Variants in RILPL2 observed in about 807,000 individuals in gnomAD.
RILPL2 encodes the protein RILP-like protein 2.
A neutral mutation model predicts 22.2 loss-of-function variants in RILPL2; 19 were observed. That is an observed-to-expected ratio of 0.86 (90% CI 0.60 to 1.25). The LOEUF is 1.25. Among genes scored for constraint, RILPL2 ranks in the 50% most tolerant of loss-of-function variants. RILPL2 has a pLI of 0.00. For missense variants in RILPL2, 243 were observed against 263.6 expected (o/e 0.92, Z 0.54); for synonymous variants, 123 against 111.6 (o/e 1.10, Z -0.64).
intron 1 of RILPL2, among the ~76,000 whole-genome samples, chr12:123,434,226 C>T (rs1327872484): frequency 4.6e-5 from 7 of 151,842 alleles, no homozygotes; most frequent in Non-Finnish European, 8.8e-5. Context: ...CGAGACCAGC[C>T]TGGGCAACAT....
chr12:123,419,262 A>G (rs1489549506), intron 3 of RILPL2, among the ~76,000 whole-genome samples: 3 of 151,666 alleles, frequency 2.0e-5, no homozygotes, highest in Admixed American at 6.6e-5. Flanking sequence ...TGACCTTGTG[A>G]TCTGCCCGCC....
At chr12:123,421,007 ATAGCAAAT>A (rs1410339872) in intron 3 of RILPL2, among the ~76,000 whole-genome samples, 1 of 151,626 alleles carries the variant, frequency 6.6e-6, no homozygotes, top group East Asian at 1.9e-4. Context: ...TGTCTGGCAC[ATAGCAAAT>A]GCTCACTAAG....
intron 3 of RILPL2, among the ~76,000 whole-genome samples, chr12:123,417,422 A>G (rs1338918842): frequency 6.6e-6 from 1 of 152,062 alleles, no homozygotes. Context: ...GTTACTCTCC[A>G]GCTTAAAACC....
intron 2 of RILPL2, among the ~76,000 whole-genome samples, chr12:123,427,059 A>G (rs1158014717): frequency 6.6e-6 from 1 of 151,886 alleles, no homozygotes; most frequent in African/African-American, 2.4e-5. Context: ...CAGCCTCCCA[A>G]GTAGCTGAGA....
At chr12:123,435,163 G>C (rs1879758734) in intron 1 of RILPL2, among the ~76,000 whole-genome samples, 3 of 150,456 alleles carry the variant, frequency 2.0e-5, no homozygotes, top group Admixed American at 2.0e-4. Context: ...CTGAGCAACA[G>C]AGCAAGATTC....
In RILPL2 at chr12:123,436,504, C is replaced by G; in HGVS notation, c.-84G>C. 1 of 1,488,820 alleles carries G rather than the reference C, an allele frequency of 6.7e-7. No individual in the cohort carries two copies. Among genetic ancestry groups the G allele is most frequent in the Non-Finnish European group, 8.9e-7 (1 of 1,121,104 alleles). 92.2% of individuals were successfully genotyped at this position (1,488,820 alleles called of 1,614,324 possible). A position where few individuals can be genotyped will look rare whatever the true frequency, so the allele number is the denominator to read the frequency against. ...ACTTCCTCCCGGCACCCAAAACTTT[C>G]CGCTGGGCAGAGTCCCTACCTGCCC... On this transcript the variant is annotated 5_prime_UTR_variant, in exon 1 of 4. Coordinates refer to ENST00000280571, the MANE Select transcript of RILPL2 (RefSeq NM_145058.3). This position sits in a 1 kb window ranked among gnomAD's most constrained non-coding sequence, Gnocchi z 6.7.
At chr12:123,429,628 A>G (rs1879556130) in intron 2 of RILPL2, among the ~76,000 whole-genome samples, 1 of 144,834 alleles carries the variant, frequency 6.9e-6, no homozygotes, top group Non-Finnish European at 1.5e-5. Context: ...TTTTTTTGAG[A>G]CACAGTCTTG....
chr12:123,430,078 T>C (rs1223105181), intron 2 of RILPL2, among the ~76,000 whole-genome samples: 2 of 108,880 alleles, frequency 1.8e-5, no homozygotes, highest in African/African-American at 7.2e-5. Context: ...ATCGCACCAC[T>C]GGGCGACAGG....
intron 2 of RILPL2, among the ~76,000 whole-genome samples, chr12:123,425,183 A>AT (rs919491306): frequency 8.8e-5 from 13 of 147,832 alleles, no homozygotes; most frequent in African/African-American, 1.5e-4. Context: ...CCTTATTATT[A>AT]TTTTTTTTTT....
chr12:123,436,410 G>T lies in RILPL2; in HGVS notation c.11C>A (p.Pro4His). MEE[P>H]PVREEEEEEG... ...CTCCTCTTCCTCTTCTCGCACAGGG[G>T]GCTCCTCCATGGCCACCCAGACCCC... is the stretch of plus-strand genomic sequence containing the variant. Residue 4 changes from proline to histidine, a missense_variant, in exon 1 of 4, where the codon CCC (proline) becomes CAC (histidine). Physicochemically the swap from Pro to His is moderately conservative, Grantham distance 77. Transcript: ENST00000280571. The surrounding 1 kb of genome is among the most constrained non-coding windows in gnomAD (Gnocchi z 6.7). 6.5e-7 allele frequency: 1 copy of T among 1,548,264 alleles called. No homozygotes were observed. The highest frequency in any genetic ancestry group is 8.7e-7 in the Non-Finnish European group (1 of 1,146,954).
chr12:123,424,331 A>ATTTTT (rs56046247), intron 2 of RILPL2, among the ~76,000 whole-genome samples: 41,478 of 134,418 alleles, frequency 0.31, 7,320 homozygotes, highest in East Asian at 0.67. Context: ...TAAGAGTTAG[A>ATTTTT]TTTTTTTTTT....
chr12:123,428,429 C>T (rs1296160815), intron 2 of RILPL2, among the ~76,000 whole-genome samples: 1 of 152,216 alleles, frequency 6.6e-6, no homozygotes, highest in Non-Finnish European at 1.5e-5. Flanking sequence ...AGCCACCGCG[C>T]CCGGCCCTGA....
Position 123,435,963 on chromosome 12 carries a change from T to TA in RILPL2, c.339+118dup, listed in dbSNP as rs1566094683. 8 of 1,391,074 alleles carry TA rather than the reference T, an allele frequency of 5.8e-6. No individual in the cohort carries two copies. The East Asian group carries it at 7.5e-5, about 13-fold the overall frequency. The allele number at this position is 1,391,074 out of a possible 1,614,324, so 86.2% of individuals were successfully genotyped here. On this transcript the variant is annotated intron_variant, in intron 1 of 3. Coordinates refer to ENST00000280571, the MANE Select transcript of RILPL2 (RefSeq NM_145058.3). ...GGCAACACAGCGAGATCCCATCTCT[T>TA]AAAAAAAGAAAAAAGAGAAAAGAGA...
At chr12:123,431,948 G>A (rs1367869790) in intron 1 of RILPL2, among the ~76,000 whole-genome samples, 1 of 151,188 alleles carries the variant, frequency 6.6e-6, no homozygotes, top group Non-Finnish European at 1.5e-5. Flanking sequence ...AGGCTGGAGT[G>A]CGGTGGCATG....
chr12:123,419,803 AT>A (rs1209780606), intron 3 of RILPL2, among the ~76,000 whole-genome samples: 1 of 145,230 alleles, frequency 6.9e-6, no homozygotes, highest in African/African-American at 2.6e-5. Context: ...TTATCTATTT[AT>A]TTTTTTTCAG....
intron 1 of RILPL2, among the ~76,000 whole-genome samples, chr12:123,435,743 GA>G (rs897045936): frequency 1.3e-5 from 2 of 150,810 alleles, no homozygotes; most frequent in African/African-American, 2.4e-5. Flanking sequence ...TGTGTCAAAA[GA>G]AAAAAAAAGT....
At chr12:123,417,073 C>T (rs1211467594) in intron 3 of RILPL2, among the ~76,000 whole-genome samples, 7 of 151,896 alleles carry the variant, frequency 4.6e-5, no homozygotes, top group East Asian at 3.9e-4. Flanking sequence ...CTGAGGCGGG[C>T]GGATTGCTTG....
chr12:123,427,220 C>G (rs528686349), intron 2 of RILPL2, among the ~76,000 whole-genome samples: 41 of 152,224 alleles, frequency 2.7e-4, no homozygotes, highest in Non-Finnish European at 3.4e-4. Context: ...TCAGCAGGTG[C>G]GCCCTGGTTC....
At chr12:123,432,058 C>A (rs1320702689) in intron 1 of RILPL2, among the ~76,000 whole-genome samples, 1 of 151,676 alleles carries the variant, frequency 6.6e-6, no homozygotes, top group Non-Finnish European at 1.5e-5. Flanking sequence ...CCAAGCCCAG[C>A]TAATTTTTTG....
Sources: gnomAD v4.1 joint callset for allele counts (sites outside exome capture counted in the v4.1 genomes callset) on GRCh38, gnomAD v4.1.1 for gene constraint, Gnocchi (gnomAD v3.1) non-coding constraint, MANE v1.5 for transcripts, NCBI Gene and HGNC (gene_info 2026-07-23, HGNC 2026-07-21) for gene names.